TBCK: variants seen among roughly 807,000 people sequenced by gnomAD.
The protein encoded by TBCK is TBC1 domain containing kinase.
TBCK carries 99 observed loss-of-function variants against 113.4 expected under a neutral mutation model. That is an observed-to-expected ratio of 0.87 (90% CI 0.74 to 1.03). The LOEUF (loss-of-function observed/expected upper bound fraction) is 1.03. TBCK is among the 50% of genes least tolerant of loss of function. The probability of loss-of-function intolerance (pLI) is 0.00; values close to 1 mark genes in which losing one functional copy is unlikely to be tolerated. For synonymous variants in TBCK, 369 were observed against 370.8 expected (o/e 1.00, Z 0.05); for missense variants, 1,045 against 1,061.3 (o/e 0.98, Z 0.21).
intron 3 of TBCK, among the ~76,000 whole-genome samples, chr4:106,267,544 T>C (rs762345140): frequency 5.9e-5 from 9 of 151,776 alleles, no homozygotes; most frequent in Non-Finnish European, 1.3e-4. Context: ...CAAAGAAAAA[T>C]AAAACATAAA....
chr4:106,147,669 C>T (rs553727505), intron 23 of TBCK, among the ~76,000 whole-genome samples: 99 of 152,142 alleles, frequency 6.5e-4, no homozygotes, highest in Non-Finnish European at 1.2e-3. Context: ...CCTGTCATCT[C>T]ATAAGCCGAG....
At chr4:106,146,273 G>T (rs777315285) in intron 23 of TBCK, among the ~76,000 whole-genome samples, 1 of 152,078 alleles carries the variant, frequency 6.6e-6, no homozygotes, top group Non-Finnish European at 1.5e-5. Context: ...CCACAAAAAA[G>T]AATGAGATCA....
At chr4:106,232,462 AAAT>A (rs1758967166) in intron 17 of TBCK, among the ~76,000 whole-genome samples, 1 of 151,878 alleles carries the variant, frequency 6.6e-6, no homozygotes, top group African/African-American at 2.4e-5. Flanking sequence ...CAAACACAAA[AAAT>A]AATAATGGCA....
intron 24 of TBCK, among the ~76,000 whole-genome samples, chr4:106,101,346 C>T (rs17272618): frequency 0.29 from 43,888 of 152,020 alleles, 6,474 homozygotes; most frequent in South Asian, 0.42. Flanking sequence ...ACAAAGCCCA[C>T]TCAAATATGG....
chr4:106,126,302 C>T (rs1745204847), intron 23 of TBCK, among the ~76,000 whole-genome samples: 1 of 152,140 alleles, frequency 6.6e-6, no homozygotes, highest in Admixed American at 6.5e-5. Context: ...AGACTAAAAG[C>T]TTCTCAAGCA....
chr4:106,184,395 C>T (rs1188744393), intron 22 of TBCK, among the ~76,000 whole-genome samples: 2 of 151,926 alleles, frequency 1.3e-5, no homozygotes, highest in Non-Finnish European at 1.5e-5. Flanking sequence ...ATACACAAGG[C>T]AGTCAAGTGA....
chr4:106,170,145 C>G (rs1278095642), intron 23 of TBCK, among the ~76,000 whole-genome samples: 1 of 152,008 alleles, frequency 6.6e-6, no homozygotes, highest in Non-Finnish European at 1.5e-5. Context: ...GTTCTCTCAC[C>G]AAAATTCATT....
chr4:106,260,399 T>G, intron 5 of TBCK, 38 bp downstream of exon 5: 1 of 847,732 alleles, frequency 1.2e-6, no homozygotes, highest in Non-Finnish European at 1.7e-6. Flanking sequence ...ATTACAAAGT[T>G]AAAAAGAAAC....
At position 106,257,060 on chromosome 4, in the gene TBCK, T is replaced by TA. The variant is rs1370086856; in HGVS notation, c.455+3376dup. ...TTTTGCTTTAAAAAAAAAATTCCTATAAAAAATACCCATTAGGATGGCCTT... is the reference window on the plus strand; with the variant it reads ...TTTTGCTTTAAAAAAAAAATTCCTATAAAAAAATACCCATTAGGATGGCCTT... On this transcript the variant is annotated intron_variant, in intron 5 of 25. Transcript: ENST00000394708. Among the ~76,000 whole-genome samples the TA allele has an allele frequency of 2.6e-5, 4 of 151,922 alleles. 1 individual carries two copies. Among genetic ancestry groups the TA allele is most frequent in the Admixed American group, 6.6e-5 (1 of 15,260 alleles).
chr4:106,087,027 C>T (rs1197171248), intron 25 of TBCK, among the ~76,000 whole-genome samples: 1 of 152,138 alleles, frequency 6.6e-6, no homozygotes, highest in Non-Finnish European at 1.5e-5. Context: ...TGGTACAATA[C>T]AAGGATGCCC....
chr4:106,134,038 C>G (rs555720668), intron 23 of TBCK, among the ~76,000 whole-genome samples: 1 of 150,366 alleles, frequency 6.7e-6, no homozygotes, highest in Non-Finnish European at 1.5e-5. Context: ...AAAAAAAAAA[C>G]AAAACAAAAA....
intron 25 of TBCK, among the ~76,000 whole-genome samples, chr4:106,082,221 G>A (rs1279614594): frequency 7.8e-6 from 1 of 128,042 alleles, no homozygotes; most frequent in Non-Finnish European, 1.7e-5. Context: ...ACAGTGGACT[G>A]AATAGTACAT....
chr4:106,159,591 C>T (rs1399069773), intron 23 of TBCK, among the ~76,000 whole-genome samples: 1 of 151,830 alleles, frequency 6.6e-6, no homozygotes. Flanking sequence ...AAGACTTGTG[C>T]AATGAAAACA....
At chr4:106,167,152 ATATATATAGAACTG>A (rs1421209790) in intron 23 of TBCK, among the ~76,000 whole-genome samples, 16 of 147,324 alleles carry the variant, frequency 1.1e-4, no homozygotes, top group Middle Eastern at 3.6e-3. Flanking sequence ...AGAGAGAACT[ATATATATAGAACTG>A]TATATATAGA....
At chr4:106,064,838 T>C (rs1028065086) in intron 25 of TBCK, among the ~76,000 whole-genome samples, 2 of 151,982 alleles carry the variant, frequency 1.3e-5, no homozygotes, top group Non-Finnish European at 2.9e-5. Flanking sequence ...GACCCATCAC[T>C]GTCTCTAGAG....
At chr4:106,068,103 T>C (rs1404076447) in intron 25 of TBCK, among the ~76,000 whole-genome samples, 2 of 152,274 alleles carry the variant, frequency 1.3e-5, no homozygotes, top group African/African-American at 2.4e-5. Flanking sequence ...TTCCAACACA[T>C]GAACATGGGA....
intron 20 of TBCK, among the ~76,000 whole-genome samples, chr4:106,208,633 C>T (rs775851740): frequency 8.6e-5 from 13 of 152,030 alleles, no homozygotes; most frequent in Non-Finnish European, 1.8e-4. Flanking sequence ...CTCACTCAAC[C>T]GCTAGCTGTC....
At chr4:106,227,268 G>A (rs1758342776) in intron 19 of TBCK, among the ~76,000 whole-genome samples, 1 of 151,968 alleles carries the variant, frequency 6.6e-6, no homozygotes, top group Non-Finnish European at 1.5e-5. Flanking sequence ...ATATAGGAAT[G>A]AACACATGAT....
In TBCK at chr4:106,231,757, T is replaced by C; in HGVS notation, c.1662A>G (p.Pro554=). ...CATTATTGAAGTTTAGATATAGGAA[T>C]GGAGCACAAAGTGAGTCAAGACCTA... ...YWQGLDSLCA[P]FLYLNFNNEA... is the part of the protein sequence containing the mutation. The change falls in exon 18 of 26, where the codon CCA becomes CCG. Residue 554 remains proline (P), a synonymous_variant. Coordinates refer to ENST00000394708, the MANE Select transcript of TBCK (RefSeq NM_001163435.3). 2 of 1,610,026 alleles carry C rather than the reference T, an allele frequency of 1.2e-6. No homozygotes were observed. The highest frequency in any genetic ancestry group is 2.7e-5 in the African/African-American group (2 of 74,806).
Sources: allele counts gnomAD v4.1 joint callset (sites outside exome capture counted in the v4.1 genomes callset), GRCh38; gene constraint gnomAD v4.1.1; transcripts MANE v1.5; gene names NCBI Gene and HGNC (gene_info 2026-07-23, HGNC 2026-07-21).